Variants in TERF2IP observed in about 807,000 individuals in gnomAD.
TERF2IP encodes TERF2 interacting protein.
A neutral mutation model predicts 33.3 loss-of-function variants in TERF2IP; 35 were observed. That is an observed-to-expected ratio of 1.05 (90% CI 0.80 to 1.39). The LOEUF (loss-of-function observed/expected upper bound fraction) is 1.39, where lower values mean the gene tolerates loss of function less well. Ranked by LOEUF, TERF2IP falls within the 40% of genes most tolerant of loss-of-function variation. The pLI, the probability that TERF2IP is intolerant of heterozygous loss-of-function variation, is 0.00. For missense variants in TERF2IP, 583 were observed against 524.8 expected (o/e 1.11, Z -1.08); for synonymous variants, 253 against 223.2 (o/e 1.13, Z -1.19).
rs377280194 is a variant in TERF2IP at position 75,648,017 on chromosome 16, C to G, written c.135C>G (p.Leu45=). 1 of 1,612,712 alleles carries G rather than the reference C, an allele frequency of 6.2e-7. No individual in the cohort carries two copies. The highest frequency in any genetic ancestry group is 1.1e-5 in the South Asian group (1 of 91,030). Residue 45 remains leucine (L), a synonymous_variant, in exon 1 of 3, where the codon CTC becomes CTG. Coordinates refer to ENST00000300086, the MANE Select transcript of TERF2IP (RefSeq NM_018975.4). The part of the protein sequence containing the change: ...PSPAKRRLST[L]ILHGGGTVCR... ...CGGCCAAGCGTCGGCTGTCGACGCTCATCCTGCACGGCGGCGGCACCGTGT... is the reference window on the plus strand; with the variant it reads ...CGGCCAAGCGTCGGCTGTCGACGCTGATCCTGCACGGCGGCGGCACCGTGT...
rs751306121 is a variant in TERF2IP at position 75,648,270 on chromosome 16, C to A, written c.388C>A (p.His130Asn). The A allele has an allele frequency of 2.6e-6, 4 of 1,548,828 alleles. No individual in the cohort carries two copies. The highest frequency in any genetic ancestry group is 2.4e-5 in the South Asian group (2 of 84,090). The change falls in exon 1 of 3, where the codon CAC (histidine) becomes AAC (asparagine). Residue 130 changes from histidine (H) to asparagine (N), a missense_variant. His to Asn is a moderately conservative substitution (Grantham distance 68, BLOSUM62 1). Transcript: ENST00000300086. ...EGAAEPEPQRHAGRIAFTDAD... is the reference protein window; with the variant it reads ...EGAAEPEPQRNAGRIAFTDAD... ...CGCCGCGGAGCCGGAGCCGCAGCGG[C>A]ACGCCGGGCGGATCGCCTTCACGGA...
intron 2 of TERF2IP, among the ~76,000 whole-genome samples, chr16:75,655,987 ACGTG>A: frequency 6.8e-6 from 1 of 148,064 alleles, no homozygotes; most frequent in South Asian, 2.3e-4. Context: ...CCTCACACAC[ACGTG>A]CACACACACA....
At position 75,656,246 on chromosome 16, in the gene TERF2IP, A is replaced by G. The variant is rs771418819; in HGVS notation, c.835A>G (p.Met279Val). 32 of 1,613,874 alleles carry G rather than the reference A, an allele frequency of 2.0e-5. No individual in the cohort carries two copies. The highest frequency in any genetic ancestry group is 2.6e-5 in the Non-Finnish European group (31 of 1,179,968). Residue 279 changes from methionine to valine, a missense_variant, in exon 3 of 3, where the codon ATG becomes GTG. Coordinates refer to ENST00000300086, the MANE Select transcript of TERF2IP (RefSeq NM_018975.4). ...SPPDFEIHIT[M>V]CDDDPPTPEE... ...TCCTGATTTTGAAATACATATAACT[A>G]TGTGTGATGATGATCCACCCACACC...
chr16:75,648,607 C>T lies in TERF2IP; in HGVS notation c.670+55C>T, dbSNP rs532306263. On this transcript the variant is annotated intron_variant, in intron 1 of 2. Coordinates refer to ENST00000300086, the MANE Select transcript of TERF2IP (RefSeq NM_018975.4). ...ATATCTGCGCGGGTGGGGTTGGGAT[C>T]TTTCTCCTGGCTGCCTGGCGTCCAT... is the stretch of plus-strand genomic sequence containing the variant. 236 of 1,461,316 alleles carry T rather than the reference C, an allele frequency of 1.6e-4. 4 individuals are homozygous for T. In the South Asian group the frequency reaches 2.9e-3, roughly 18 times the overall value. The allele number at this position is 1,461,316 out of a possible 1,614,324, so 90.5% of individuals were successfully genotyped here.
At chr16:75,651,441 C>A (rs1203804673) in intron 1 of TERF2IP, among the ~76,000 whole-genome samples, 1 of 152,194 alleles carries the variant, frequency 6.6e-6, no homozygotes, top group Non-Finnish European at 1.5e-5. Flanking sequence ...GTAATCCTAG[C>A]ACTTTGGGAG....
chr16:75,648,456 G>C lies in TERF2IP; in HGVS notation c.574G>C (p.Glu192Gln). Residue 192 changes from glutamate to glutamine, a missense_variant, in exon 1 of 3, where the codon GAG (glutamate) becomes CAG (glutamine). By Grantham distance (29) the Glu-to-Gln change is conservative (BLOSUM62 2). Coordinates refer to ENST00000300086, the MANE Select transcript of TERF2IP (RefSeq NM_018975.4). ...CTACCTCAAGCACCTGCGGGGCCAG[G>C]AGCATAAGTACCTGCTGGGGGACGC... ...DRYLKHLRGQ[E>Q]HKYLLGDAPV... The C allele has an allele frequency of 1.2e-6, 2 of 1,600,696 alleles. No homozygotes were observed. Among genetic ancestry groups the C allele is most frequent in the Non-Finnish European group, 1.7e-6 (2 of 1,174,676 alleles).
intron 1 of TERF2IP, among the ~76,000 whole-genome samples, chr16:75,652,213 T>C (rs1234569160): frequency 6.6e-6 from 1 of 152,242 alleles, no homozygotes; most frequent in Non-Finnish European, 1.5e-5. Context: ...CCGTCTCTTG[T>C]CTGTTGCATG....
At chr16:75,649,880 G>C (rs948751613) in intron 1 of TERF2IP, among the ~76,000 whole-genome samples, 1 of 152,202 alleles carries the variant, frequency 6.6e-6, no homozygotes, top group Non-Finnish European at 1.5e-5. Flanking sequence ...TGACGTACCT[G>C]GCATTGATAA....
In TERF2IP at chr16:75,648,144, G is replaced by C; in HGVS notation, c.262G>C (p.Val88Leu). 6.4e-7 allele frequency: 1 copy of C among 1,564,216 alleles called. No individual in the cohort carries two copies. The highest frequency in any genetic ancestry group is 8.6e-7 in the Non-Finnish European group (1 of 1,156,958). The change falls in exon 1 of 3, where the codon GTG becomes CTG. Residue 88 changes from valine to leucine, a missense_variant. Transcript: ENST00000300086. ...FISTQYILDCVERNERLELEA... is the reference protein window; with the variant it reads ...FISTQYILDCLERNERLELEA... ...CTCCACGCAGTACATCCTGGACTGC[G>C]TGGAGCGCAACGAGAGGCTGGAGCT...
rs995789778 is a variant in TERF2IP, at chr16:75,647,781, G to C, written c.-102G>C. Reference sequence around the variant, plus strand: ...TGCTGCTGCGCAGGCCCAGTGCTGCGCTTCGCGGCAGAGGCGTCTGCGGTG... The same window carrying C: ...TGCTGCTGCGCAGGCCCAGTGCTGCCCTTCGCGGCAGAGGCGTCTGCGGTG... On this transcript the variant is annotated 5_prime_UTR_variant, in exon 1 of 3. Transcript: ENST00000300086. 4 of 1,572,594 alleles carry C rather than the reference G, an allele frequency of 2.5e-6. No homozygotes were observed. The highest frequency in any genetic ancestry group is 1.7e-5 in the Admixed American group (1 of 58,632).
Position 75,656,300 on chromosome 16 carries a change from G to C in TERF2IP, c.889G>C (p.Glu297Gln). Residue 297 changes from glutamate (E) to glutamine (Q), a missense_variant, in exon 3 of 3, where the codon GAG (glutamate) becomes CAG (glutamine). Transcript: ENST00000300086. ...PEEDSETQPD[E>Q]EEEEEEEKVS... ...GGAAGACTCAGAAACACAGCCTGAT[G>C]AGGAGGAAGAAGAAGAAGAAGAAAA... 1 of 1,614,204 alleles carries C rather than the reference G, an allele frequency of 6.2e-7. No individual in the cohort carries two copies. Among genetic ancestry groups the C allele is most frequent in the Non-Finnish European group, 8.5e-7 (1 of 1,180,042 alleles).
chr16:75,651,178 A>C (rs1010266703), intron 1 of TERF2IP, among the ~76,000 whole-genome samples: 2 of 152,136 alleles, frequency 1.3e-5, no homozygotes, highest in Non-Finnish European at 2.9e-5. Flanking sequence ...TCTCATGATA[A>C]ATAAAGTCAG....
chr16:75,654,741 T>A (rs1005875389), intron 2 of TERF2IP, among the ~76,000 whole-genome samples: 1 of 152,218 alleles, frequency 6.6e-6, no homozygotes, highest in Non-Finnish European at 1.5e-5. Context: ...TTTTTTCTAT[T>A]TTTTTGAGCC....
At chr16:75,651,463 A>G (rs2082346628) in intron 1 of TERF2IP, among the ~76,000 whole-genome samples, 3 of 152,172 alleles carry the variant, frequency 2.0e-5, no homozygotes, top group Admixed American at 2.0e-4. Flanking sequence ...CCAAGGTGGC[A>G]GACCACTTGA....
At chr16:75,653,831 C>T (rs2082364539) in intron 1 of TERF2IP, among the ~76,000 whole-genome samples, 1 of 152,108 alleles carries the variant, frequency 6.6e-6, no homozygotes, top group Admixed American at 6.6e-5. Context: ...TTTGATAAGT[C>T]AGCTTCTCTC....
chr16:75,652,953 C>CGAA (rs1016532317), intron 1 of TERF2IP, among the ~76,000 whole-genome samples: 8 of 152,034 alleles, frequency 5.3e-5, no homozygotes, highest in African/African-American at 1.9e-4. Context: ...ACAACCATTC[C>CGAA]GCCTTCTGTT....
chr16:75,650,447 G>T lies in TERF2IP; in HGVS notation c.670+1895G>T, dbSNP rs183914192. ...GTGGCTGTTAATGGAGTAGGAGGGA[G>T]AATTAATTATAGCAGATGAGGTTAG... On this transcript the variant is annotated intron_variant, in intron 1 of 2. Coordinates refer to ENST00000300086, the MANE Select transcript of TERF2IP (RefSeq NM_018975.4). Among the ~76,000 whole-genome samples, 785 of 152,290 alleles carry T rather than the reference G, an allele frequency of 5.2e-3. 6 individuals are homozygous for T. The highest frequency in any genetic ancestry group is 0.018 in the African/African-American group (737 of 41,550).
At chr16:75,654,422 AT>A (rs1353885766) in intron 2 of TERF2IP, 25 bp downstream of exon 2, 2 of 1,604,238 alleles carry the variant, frequency 1.2e-6, no homozygotes, top group Admixed American at 3.4e-5. Context: ...TTTACTCATT[AT>A]TTTTTTCCCT....
chr16:75,650,180 G>A (rs1457126874), intron 1 of TERF2IP, among the ~76,000 whole-genome samples: 1 of 152,198 alleles, frequency 6.6e-6, no homozygotes, highest in Non-Finnish European at 1.5e-5. Context: ...ATGCTAGCTG[G>A]GGAGTGGTAA....
Sources: gnomAD v4.1 joint callset for allele counts (sites outside exome capture counted in the v4.1 genomes callset) on GRCh38, gnomAD v4.1.1 for gene constraint, MANE v1.5 for transcripts, NCBI Gene and HGNC (gene_info 2026-07-23, HGNC 2026-07-21) for gene names.